Variants in CPXM2 observed in about 807,000 individuals in gnomAD.
The protein encoded by CPXM2 is inactive carboxypeptidase-like protein X2.
A neutral mutation model predicts 86.1 loss-of-function variants in CPXM2; 66 were observed. The observed-to-expected ratio is 0.77, with a 90% CI of 0.63 to 0.94. CPXM2 has a LOEUF of 0.94. Among genes scored for constraint, CPXM2 ranks in the 40% least tolerant of loss-of-function variants. The pLI is 0.00. For synonymous variants in CPXM2, 388 were observed against 400.2 expected (o/e 0.97, Z 0.36); for missense variants, 948 against 1,026.3 (o/e 0.92, Z 1.04).
chr10:123,802,149 C>A (rs1000061880), intron 4 of CPXM2, among the ~76,000 whole-genome samples: 1 of 152,108 alleles, frequency 6.6e-6, no homozygotes, highest in African/African-American at 2.4e-5. Flanking sequence ...GGCTTTTAGG[C>A]CATTTGATAG....
chr10:123,822,842 T>C (rs1009832154), intron 4 of CPXM2, among the ~76,000 whole-genome samples: 4 of 152,132 alleles, frequency 2.6e-5, no homozygotes, highest in Non-Finnish European at 5.9e-5. Context: ...TCTGTAGCAC[T>C]GAAGACAATG....
intron 2 of CPXM2, among the ~76,000 whole-genome samples, chr10:123,868,707 C>G (rs1944840040): frequency 6.6e-6 from 1 of 152,092 alleles, no homozygotes; most frequent in South Asian, 2.1e-4. Flanking sequence ...CTACTCCCAA[C>G]ATAACCATAG....
intron 3 of CPXM2, among the ~76,000 whole-genome samples, chr10:123,844,087 C>T (rs956181671): frequency 6.6e-6 from 1 of 152,092 alleles, no homozygotes; most frequent in Non-Finnish European, 1.5e-5. Context: ...ACAGCCACCT[C>T]TGCAAAATCG....
At chr10:123,806,232 T>C (rs1028201178) in intron 4 of CPXM2, among the ~76,000 whole-genome samples, 2 of 152,218 alleles carry the variant, frequency 1.3e-5, no homozygotes, top group African/African-American at 4.8e-5. Context: ...TTTTGAATGA[T>C]ATTTTTGTTG....
chr10:123,768,185 T>C (rs1458564675), intron 9 of CPXM2, among the ~76,000 whole-genome samples: 1 of 152,056 alleles, frequency 6.6e-6, no homozygotes, highest in Non-Finnish European at 1.5e-5. Context: ...GTCACGAGTT[T>C]GAGACCAGCC....
chr10:123,918,720 A>G (rs1175014689), intron 2 of CPXM2, among the ~76,000 whole-genome samples: 1 of 152,108 alleles, frequency 6.6e-6, no homozygotes, highest in East Asian at 1.9e-4. Flanking sequence ...CCCAGTCATG[A>G]TGCTGTGATC....
intron 8 of CPXM2, among the ~76,000 whole-genome samples, chr10:123,769,209 C>G (rs1846567228): frequency 6.6e-6 from 1 of 152,136 alleles, no homozygotes; most frequent in Non-Finnish European, 1.5e-5. Context: ...CAAAGCTCAG[C>G]TTTTAAAATC....
At chr10:123,818,599 G>A (rs1406269903) in intron 4 of CPXM2, among the ~76,000 whole-genome samples, 1 of 152,138 alleles carries the variant, frequency 6.6e-6, no homozygotes, top group Non-Finnish European at 1.5e-5. Flanking sequence ...CCACTGTCAC[G>A]GTATTCTGCA....
intron 3 of CPXM2, among the ~76,000 whole-genome samples, chr10:123,860,393 C>A (rs1848824913): frequency 1.3e-5 from 2 of 152,200 alleles, no homozygotes; most frequent in African/African-American, 4.8e-5. Flanking sequence ...AAGGTCTGCA[C>A]TCAGCATGCC....
chr10:123,754,861 C>T lies in CPXM2; in HGVS notation c.1918-99G>A. Reference sequence around the variant, plus strand: ...TGTCAACCCACCATTGGCCGGTTCCCACCAAGAACTCACACAGCACCACGT... The same window carrying T: ...TGTCAACCCACCATTGGCCGGTTCCTACCAAGAACTCACACAGCACCACGT... On this transcript the variant is annotated intron_variant, in intron 12 of 13. Coordinates refer to ENST00000241305, the MANE Select transcript of CPXM2 (RefSeq NM_198148.3). This position sits in a 1 kb window ranked among gnomAD's most constrained non-coding sequence, Gnocchi z 4.0. The T allele has an allele frequency of 2.7e-6, 2 of 728,006 alleles. No homozygotes were observed. Among genetic ancestry groups the T allele is most frequent in the South Asian group, 1.5e-5 (1 of 64,952 alleles). 45.1% of individuals were successfully genotyped at this position (728,006 alleles called of 1,614,324 possible). A position where few individuals can be genotyped will look rare whatever the true frequency, so the allele number is the denominator to read the frequency against.
rs1002090047 is a variant in CPXM2 at position 123,834,563 on chromosome 10, G to T, written c.653+7786C>A. Among the ~76,000 whole-genome samples, 13 of 152,216 alleles carry T rather than the reference G, an allele frequency of 8.5e-5. 1 individual carries two copies. The highest frequency in any genetic ancestry group is 7.9e-4 in the Admixed American group (12 of 15,284). The stretch of plus-strand genomic sequence containing the variant: ...TGCAAAGGCTCCAGGGCAGCAGCAG[G>T]CCTGGTGTGTTTGTGGAACAAAAAG... On this transcript the variant is annotated intron_variant, in intron 4 of 13. Coordinates refer to ENST00000241305, the MANE Select transcript of CPXM2 (RefSeq NM_198148.3).
chr10:123,863,000 A>G (rs1376921866), intron 2 of CPXM2, among the ~76,000 whole-genome samples: 1 of 152,210 alleles, frequency 6.6e-6, no homozygotes, highest in Non-Finnish European at 1.5e-5. Flanking sequence ...TCCTTCCCCA[A>G]CATGACTCAG....
chr10:123,785,450 CA>C (rs748063492), intron 6 of CPXM2, among the ~76,000 whole-genome samples: 6 of 152,074 alleles, frequency 3.9e-5, no homozygotes, highest in Non-Finnish European at 8.8e-5. Context: ...ACAAAGCAAC[CA>C]ACTTGTCCCA....
intron 2 of CPXM2, among the ~76,000 whole-genome samples, chr10:123,922,836 C>A (rs1945588463): frequency 6.6e-6 from 1 of 152,184 alleles, no homozygotes; most frequent in African/African-American, 2.4e-5. Flanking sequence ...TCAGAATGAT[C>A]ATTGGTTGAA....
At chr10:123,785,104 G>A (rs757963942) in intron 6 of CPXM2, among the ~76,000 whole-genome samples, 1 of 151,958 alleles carries the variant, frequency 6.6e-6, no homozygotes, top group African/African-American at 2.4e-5. Flanking sequence ...CCCACCCTGC[G>A]GTGCATACTT....
intron 4 of CPXM2, among the ~76,000 whole-genome samples, chr10:123,838,380 G>C (rs1172981815): frequency 6.6e-6 from 1 of 152,150 alleles, no homozygotes; most frequent in Non-Finnish European, 1.5e-5. Context: ...CTTGAACCTG[G>C]GAGGTGGAGG....
upstream of CPXM2, among the ~76,000 whole-genome samples, chr10:123,892,442 T>C (rs543240890): frequency 7.9e-5 from 12 of 152,324 alleles, no homozygotes; most frequent in South Asian, 2.1e-3. Context: ...AAGAGCAGGC[T>C]CTTGCCCAGA....
chr10:123,842,605 G>A, intron 3 of CPXM2, 117 bp from the exon 4 acceptor site: 1 of 1,021,034 alleles, frequency 9.8e-7, no homozygotes, highest in South Asian at 1.7e-5. Context: ...AATGAGGAAG[G>A]TGTTAAAGAA....
chr10:123,808,714 A>T (rs1041238141), intron 4 of CPXM2, among the ~76,000 whole-genome samples: 4 of 152,346 alleles, frequency 2.6e-5, no homozygotes, highest in Admixed American at 6.5e-5. Flanking sequence ...TACAATTTTT[A>T]AAAAATCATT....
Sources: allele counts gnomAD v4.1 joint callset (sites outside exome capture counted in the v4.1 genomes callset), GRCh38; gene constraint gnomAD v4.1.1; non-coding constraint Gnocchi (gnomAD v3.1); transcripts MANE v1.5; gene names NCBI Gene and HGNC (gene_info 2026-07-23, HGNC 2026-07-21).